The following ZNF740 variants were observed in gnomAD, a reference collection of about 807,000 sequenced individuals.
The protein encoded by ZNF740 is zinc finger protein 740.
In ZNF740, 14 loss-of-function variants were observed where a neutral mutation model predicts 24.8. That is an observed-to-expected ratio of 0.56 (90% CI 0.37 to 0.88). The LOEUF (loss-of-function observed/expected upper bound fraction) is 0.88. ZNF740 is among the 40% of genes least tolerant of loss of function. The pLI is 0.00. For synonymous variants in ZNF740, 69 were observed against 84.0 expected, an observed-to-expected ratio of 0.82 and a Z score of 0.98; for missense variants, 201 against 247.9, an observed-to-expected ratio of 0.81 and a Z score of 1.27.
In ZNF740 at chr12:53,192,514, G is replaced by A. The variant is rs1411422444; in HGVS notation, c.*4924G>A. 4 of 1,614,054 alleles carry A rather than the reference G, an allele frequency of 2.5e-6. No homozygotes were observed. The South Asian group carries it at 3.3e-5, about 13-fold the overall frequency. Reference sequence around the variant, plus strand: ...AGTTGGTGGCCAGTGGGCCAGTCCTGAAGGCCCCACACTCTGCACAGTCCC... The same window carrying A: ...AGTTGGTGGCCAGTGGGCCAGTCCTAAAGGCCCCACACTCTGCACAGTCCC... On this transcript the variant is annotated 3_prime_UTR_variant, in exon 7 of 7. Transcript: ENST00000416904.
rs1015821251 is a variant in ZNF740, at chr12:53,194,872, C to T, written c.*7282C>T. ...TCTATGGTTCTTGTGAAGAATAGCT[C>T]TGAATTATTTATAAACTTAGTGAAA... On this transcript the variant is annotated 3_prime_UTR_variant, in exon 7 of 7. Transcript: ENST00000416904. The T allele has an allele frequency of 3.5e-5, 6 of 169,792 alleles. No homozygotes were observed. Among genetic ancestry groups the T allele is most frequent in the South Asian group, 1.4e-4 (1 of 7,054 alleles). The allele number at this position is 169,792 out of a possible 1,614,324, so 10.5% of individuals were successfully genotyped here. A position where few individuals can be genotyped will look rare whatever the true frequency, so the allele number is the denominator to read the frequency against.
Position 53,187,519 on chromosome 12 carries a change from C to A in ZNF740, c.511C>A (p.Arg171=), listed in dbSNP as rs770747559. 1 of 1,613,814 alleles carries A rather than the reference C, an allele frequency of 6.2e-7. No individual in the cohort carries two copies. Among genetic ancestry groups the A allele is most frequent in the Non-Finnish European group, 8.5e-7 (1 of 1,179,874 alleles). Residue 171 remains arginine, a synonymous_variant, in exon 7 of 7, where the codon CGA becomes AGA. Transcript: ENST00000416904. The stretch of plus-strand genomic sequence containing the variant: ...TTCTCAGTGTTTTTCTCGGACAGAT[C>A]GATTACTCAGACACAAACGGATGTG... ...RCHQCFSRTD[R]LLRHKRMCQG...
rs753390250 is a variant in ZNF740 at position 53,191,885 on chromosome 12, C to G, written c.*4295C>G. On this transcript the variant is annotated 3_prime_UTR_variant, in exon 7 of 7. Transcript: ENST00000416904. The stretch of plus-strand genomic sequence containing the variant: ...TGCTTCCAGTTGAGTTGTTGCTGCT[C>G]CTTCTCAAAGCGACTGTATTCCCGG... 3.1e-6 allele frequency: 5 copies of G among 1,613,284 alleles called. No homozygotes were observed. The highest frequency in any genetic ancestry group is 2.2e-5 in the East Asian group (1 of 44,882).
rs114435093 is a variant in ZNF740, at chr12:53,194,211, C to G, written c.*6621C>G. The G allele has an allele frequency of 5.0e-6, 8 of 1,613,930 alleles. No homozygotes were observed. Among genetic ancestry groups the G allele is most frequent in the East Asian group, 4.5e-5 (2 of 44,892 alleles). ...GCTGGCTCTCACCGTCTGGTTGATT[C>G]GGACGTGGTTGCACTGTCCTCGATC... is the stretch of plus-strand genomic sequence containing the variant. On this transcript the variant is annotated 3_prime_UTR_variant, in exon 7 of 7. Transcript: ENST00000416904.
chr12:53,181,021 G>C (rs1452552713), intron 1 of ZNF740, 184 bp downstream of exon 1: 1 of 839,074 alleles, frequency 1.2e-6, no homozygotes, highest in East Asian at 1.3e-4. Flanking sequence ...CCCTGCCCGC[G>C]CGTCCCGCCG....
At chr12:53,184,820 T>C in intron 2 of ZNF740, 71 bp from the exon 3 acceptor site, 3 of 1,537,088 alleles carry the variant, frequency 2.0e-6, no homozygotes, top group Non-Finnish European at 2.7e-6. Flanking sequence ...AAGGTAGTTC[T>C]ATAGAGGATG....
rs1010044708 is a variant in ZNF740 at position 53,181,120 on chromosome 12, C to T, written c.-308+283C>T. On this transcript the variant is annotated intron_variant, in intron 1 of 6. Coordinates refer to ENST00000416904, the MANE Select transcript of ZNF740 (RefSeq NM_001004304.4). ...TCTCGGCACTCTCCGGCTCTGCTCC[C>T]GGTTGGTGCAGCGGGTGCAGAGGCT... The T allele has an allele frequency of 6.2e-6, 6 of 967,332 alleles. No individual in the cohort carries two copies. The African/African-American group carries it at 1.1e-4, about 17-fold the overall frequency. 59.9% of individuals were successfully genotyped at this position (967,332 alleles called of 1,614,324 possible). A position where few individuals can be genotyped will look rare whatever the true frequency, so the allele number is the denominator to read the frequency against.
In ZNF740 at chr12:53,192,516, A is replaced by G. The variant is rs201595290; in HGVS notation, c.*4926A>G. The G allele has an allele frequency of 3.7e-6, 6 of 1,614,116 alleles. No individual in the cohort carries two copies. The Middle Eastern group carries it at 5.0e-4, about 133-fold the overall frequency. ...TTGGTGGCCAGTGGGCCAGTCCTGAAGGCCCCACACTCTGCACAGTCCCTG... is the reference window on the plus strand; with the variant it reads ...TTGGTGGCCAGTGGGCCAGTCCTGAGGGCCCCACACTCTGCACAGTCCCTG... On this transcript the variant is annotated 3_prime_UTR_variant, in exon 7 of 7. Transcript: ENST00000416904.
Position 53,193,114 on chromosome 12 carries a change from G to A in ZNF740, c.*5524G>A, listed in dbSNP as rs752008147. ...GCCTTGGGAAGGCCTCTCAGACCCC[G>A]CCCTTCTCCCCAAGGCTCCAGGTAC... On this transcript the variant is annotated 3_prime_UTR_variant, in exon 7 of 7. Coordinates refer to ENST00000416904, the MANE Select transcript of ZNF740 (RefSeq NM_001004304.4). 7.6e-6 allele frequency: 12 copies of A among 1,581,898 alleles called. No individual in the cohort carries two copies. Among genetic ancestry groups the A allele is most frequent in the East Asian group, 4.5e-5 (2 of 44,384 alleles).
intron 4 of ZNF740, among the ~76,000 whole-genome samples, 184 bp downstream of exon 4, chr12:53,185,660 C>G (rs1358435571): frequency 6.6e-6 from 1 of 152,188 alleles, no homozygotes; most frequent in African/African-American, 2.4e-5. Flanking sequence ...CTTGCTGGAA[C>G]AGTAATGGTA....
intron 2 of ZNF740, among the ~76,000 whole-genome samples, chr12:53,184,281 C>T (rs1162854761): frequency 1.3e-5 from 2 of 151,870 alleles, no homozygotes; most frequent in Admixed American, 6.5e-5. Flanking sequence ...CTCCGCCTCC[C>T]GGGTTCAAGC....
rs915930856 is a variant in ZNF740 at position 53,190,233 on chromosome 12, A to G, written c.*2643A>G. The stretch of plus-strand genomic sequence containing the variant: ...CAGAGGGCCCGGGAGCCCCACGGAT[A>G]CCCCAGGGAAGCCACTGACTCACAC... On this transcript the variant is annotated 3_prime_UTR_variant, in exon 7 of 7. Coordinates refer to ENST00000416904, the MANE Select transcript of ZNF740 (RefSeq NM_001004304.4). The G allele has an allele frequency of 6.6e-6, 1 of 152,592 alleles. No homozygotes were observed. Among genetic ancestry groups the G allele is most frequent in the African/African-American group, 2.4e-5 (1 of 41,412 alleles). The allele number at this position is 152,592 out of a possible 1,614,324, so 9.5% of individuals were successfully genotyped here.
Position 53,187,614 on chromosome 12 carries a change from G to A in ZNF740, c.*24G>A. Reference sequence around the variant, plus strand: ...AGGCGCAAGGGGCCCCGGGTGGTGGGAGTGATCAGAAGAACCTGCCGAAGA... The same window carrying A: ...AGGCGCAAGGGGCCCCGGGTGGTGGAAGTGATCAGAAGAACCTGCCGAAGA... On this transcript the variant is annotated 3_prime_UTR_variant, in exon 7 of 7. Coordinates refer to ENST00000416904, the MANE Select transcript of ZNF740 (RefSeq NM_001004304.4). The A allele has an allele frequency of 1.3e-6, 2 of 1,599,254 alleles. No individual in the cohort carries two copies. Among genetic ancestry groups the A allele is most frequent in the Non-Finnish European group, 1.7e-6 (2 of 1,166,800 alleles).
chr12:53,188,356 G>C lies in ZNF740; in HGVS notation c.*766G>C, dbSNP rs1328974890. On this transcript the variant is annotated 3_prime_UTR_variant, in exon 7 of 7. Coordinates refer to ENST00000416904, the MANE Select transcript of ZNF740 (RefSeq NM_001004304.4). ...GGCACCTGATGGCATCAGCTCAAAT[G>C]CCTTTAGGAGGAAACTTGGGTGAGA... The C allele has an allele frequency of 6.6e-6, 1 of 152,620 alleles. No individual in the cohort carries two copies. Among genetic ancestry groups the C allele is most frequent in the Non-Finnish European group, 1.5e-5 (1 of 68,060 alleles). The allele number at this position is 152,620 out of a possible 1,614,324, so 9.5% of individuals were successfully genotyped here.
intron 2 of ZNF740, among the ~76,000 whole-genome samples, chr12:53,183,425 G>A (rs924879981): frequency 2.0e-5 from 3 of 152,146 alleles, no homozygotes; most frequent in South Asian, 2.1e-4. Flanking sequence ...GTCCCAGAAC[G>A]TACTGATCAT....
chr12:53,189,304 C>T lies in ZNF740; in HGVS notation c.*1714C>T, dbSNP rs1941883978. The T allele has an allele frequency of 6.6e-6, 1 of 151,906 alleles. No homozygotes were observed. The highest frequency in any genetic ancestry group is 2.4e-5 in the African/African-American group (1 of 41,342). 9.4% of individuals were successfully genotyped at this position (151,906 alleles called of 1,614,324 possible). On this transcript the variant is annotated 3_prime_UTR_variant, in exon 7 of 7. Coordinates refer to ENST00000416904, the MANE Select transcript of ZNF740 (RefSeq NM_001004304.4). ...ACCTGACCTGTGGCGGGTACGGGAACTGTCTTAGTAATCATGGAGACTGGC... is the reference window on the plus strand; with the variant it reads ...ACCTGACCTGTGGCGGGTACGGGAATTGTCTTAGTAATCATGGAGACTGGC...
Position 53,188,609 on chromosome 12 carries a change from T to A in ZNF740, c.*1019T>A, listed in dbSNP as rs1941868715. The stretch of plus-strand genomic sequence containing the variant: ...CAAAGGAATCTGGGGTCTTCTGACA[T>A]GCCTGTTGAGCAGTAGGAGCTGTTC... On this transcript the variant is annotated 3_prime_UTR_variant, in exon 7 of 7. Transcript: ENST00000416904. 1 of 152,480 alleles carries A rather than the reference T, an allele frequency of 6.6e-6. No homozygotes were observed. Among genetic ancestry groups the A allele is most frequent in the Admixed American group, 6.6e-5 (1 of 15,264 alleles). The allele number at this position is 152,480 out of a possible 1,614,324, so 9.4% of individuals were successfully genotyped here.
chr12:53,193,357 G>A lies in ZNF740; in HGVS notation c.*5767G>A, dbSNP rs1186414208. On this transcript the variant is annotated 3_prime_UTR_variant, in exon 7 of 7. Coordinates refer to ENST00000416904, the MANE Select transcript of ZNF740 (RefSeq NM_001004304.4). ...CACAGAGCCGACCTAGGCGGCCAGG[G>A]GCACAGCTGGAAGGGGAAGGCAAAG... 6.3e-7 allele frequency: 1 copy of A among 1,579,034 alleles called. No homozygotes were observed. The highest frequency in any genetic ancestry group is 1.4e-5 in the African/African-American group (1 of 74,068).
chr12:53,191,430 G>A lies in ZNF740; in HGVS notation c.*3840G>A, dbSNP rs1216845960. ...GGTGTCACTCTGAAAATGAAGTAGG[G>A]TGGTGGCCGCACCTCGCCAGTGAAT... On this transcript the variant is annotated 3_prime_UTR_variant, in exon 7 of 7. Coordinates refer to ENST00000416904, the MANE Select transcript of ZNF740 (RefSeq NM_001004304.4). 2.0e-5 allele frequency: 15 copies of A among 766,436 alleles called. No individual in the cohort carries two copies. Among genetic ancestry groups the A allele is most frequent in the South Asian group, 1.6e-4 (11 of 68,938 alleles). 47.5% of individuals were successfully genotyped at this position (766,436 alleles called of 1,614,324 possible).
Sources: gnomAD v4.1 joint callset for allele counts (sites outside exome capture counted in the v4.1 genomes callset) on GRCh38, gnomAD v4.1.1 for gene constraint, MANE v1.5 for transcripts, NCBI Gene and HGNC (gene_info 2026-07-23, HGNC 2026-07-21) for gene names.